KALRN: variants seen among roughly 807,000 people sequenced by gnomAD.
KALRN encodes the protein kalirin RhoGEF kinase.
KALRN carries 70 observed loss-of-function variants against 353.7 expected under a neutral mutation model. The observed-to-expected ratio is 0.20, with a 90% CI of 0.16 to 0.24. The LOEUF (loss-of-function observed/expected upper bound fraction) is 0.24. KALRN is among the 10% of genes least tolerant of loss of function. The pLI is 1.00. For missense variants in KALRN, 2,791 were observed against 3,756.7 expected (o/e 0.74, Z 6.72); for synonymous variants, 1,391 against 1,434.8 (o/e 0.97, Z 0.69).
intron 13 of KALRN, among the ~76,000 whole-genome samples, chr3:124,402,713 C>T (rs1239483913): frequency 2.6e-5 from 4 of 152,146 alleles, no homozygotes; most frequent in South Asian, 2.1e-4. Flanking sequence ...TAAAAACGTT[C>T]GGTCACTGCC....
intron 10 of KALRN, among the ~76,000 whole-genome samples, chr3:124,372,612 TTTA>T (rs148163959): frequency 0.26 from 33,164 of 126,156 alleles, 4,089 homozygotes; most frequent in African/African-American, 0.36. Flanking sequence ...TTTTTTATTA[TTTA>T]TTTTTTTATT....
intron 1 of KALRN, among the ~76,000 whole-genome samples, chr3:124,068,482 A>C (rs917817932): frequency 2.0e-5 from 3 of 152,144 alleles, no homozygotes; most frequent in Admixed American, 2.0e-4. Flanking sequence ...TTTTTTGCTG[A>C]GTGTGCTATA....
intron 5 of KALRN, among the ~76,000 whole-genome samples, chr3:124,286,557 G>A (rs1192647786): frequency 2.0e-5 from 3 of 152,112 alleles, no homozygotes; most frequent in African/African-American, 7.2e-5. Flanking sequence ...TGCCCAGTGT[G>A]CTGTTTTCTA....
At chr3:124,401,067 T>C (rs761719434) in intron 13 of KALRN, among the ~76,000 whole-genome samples, 2 of 152,208 alleles carry the variant, frequency 1.3e-5, no homozygotes, top group South Asian at 4.1e-4. Context: ...GTGTCTTTAC[T>C]AGCATCGATT....
chr3:124,455,094 C>T, intron 21 of KALRN, 83 bp from the exon 22 acceptor site: 1 of 1,492,972 alleles, frequency 6.7e-7, no homozygotes. Flanking sequence ...TCTATGGCTG[C>T]TCTAAACAGG....
At chr3:124,182,202 T>C (rs1383653831) in intron 1 of KALRN, among the ~76,000 whole-genome samples, 1 of 152,182 alleles carries the variant, frequency 6.6e-6, no homozygotes, top group African/African-American at 2.4e-5. Context: ...AACAAATTGC[T>C]CCAAAACTTA....
At chr3:124,225,808 A>G (rs964060468) in intron 1 of KALRN, among the ~76,000 whole-genome samples, 2 of 152,210 alleles carry the variant, frequency 1.3e-5, no homozygotes, top group African/African-American at 2.4e-5. Flanking sequence ...ACTGCAACAC[A>G]GTAGAGGACA....
chr3:124,109,435 C>A (rs927461947), intron 1 of KALRN, among the ~76,000 whole-genome samples: 2 of 151,956 alleles, frequency 1.3e-5, no homozygotes, highest in Non-Finnish European at 2.9e-5. Flanking sequence ...AATCCCTTCC[C>A]TATTTAATTA....
At chr3:124,369,247 T>C (rs1212482075) in intron 10 of KALRN, among the ~76,000 whole-genome samples, 2 of 152,264 alleles carry the variant, frequency 1.3e-5, no homozygotes, top group Non-Finnish European at 2.9e-5. Context: ...TTTTTACCTG[T>C]CAATTGACAA....
chr3:124,322,407 C>T (rs2079429099), intron 6 of KALRN, among the ~76,000 whole-genome samples: 1 of 152,158 alleles, frequency 6.6e-6, no homozygotes, highest in Non-Finnish European at 1.5e-5. Context: ...ACTCTTGATT[C>T]CTGGCCCAGT....
intron 39 of KALRN, among the ~76,000 whole-genome samples, chr3:124,656,104 A>G (rs1461268949): frequency 6.6e-6 from 1 of 152,178 alleles, no homozygotes; most frequent in Non-Finnish European, 1.5e-5. Context: ...AGCTAGCAAA[A>G]AGACAGATAA....
intron 10 of KALRN, among the ~76,000 whole-genome samples, chr3:124,360,420 A>G (rs1394358247): frequency 6.6e-6 from 1 of 152,194 alleles, no homozygotes; most frequent in Non-Finnish European, 1.5e-5. Flanking sequence ...GAGAGACACT[A>G]TGAGACAAGT....
intron 19 of KALRN, among the ~76,000 whole-genome samples, chr3:124,445,025 T>C (rs1394231510): frequency 6.6e-6 from 1 of 152,140 alleles, no homozygotes; most frequent in Non-Finnish European, 1.5e-5. Context: ...AGTTGTACTT[T>C]ATAGTCTTAG....
chr3:124,444,702 G>A lies in KALRN; in HGVS notation c.3314-1459G>A, dbSNP rs148476248. On this transcript the variant is annotated intron_variant, in intron 19 of 59. Coordinates refer to ENST00000682506, the MANE Select transcript of KALRN (RefSeq NM_001388419.1). ...GTGTGCCTATAGTCTCAGCTACTCA[G>A]GTGGCTGAAGTGGGAGGATCACTTG... Among the ~76,000 whole-genome samples, 349 of 151,668 alleles carry A rather than the reference G, an allele frequency of 2.3e-3. 4 individuals carry two copies. The highest frequency in any genetic ancestry group is 7.9e-3 in the African/African-American group (326 of 41,316).
chr3:124,460,575 G>A (rs141032713), intron 23 of KALRN, among the ~76,000 whole-genome samples: 34 of 152,322 alleles, frequency 2.2e-4, no homozygotes, highest in African/African-American at 6.7e-4. Flanking sequence ...ATCATGGAAT[G>A]TTTCCTGAGC....
intron 1 of KALRN, among the ~76,000 whole-genome samples, chr3:124,132,161 C>G (rs578259533): frequency 1.3e-5 from 2 of 152,196 alleles, no homozygotes; most frequent in South Asian, 2.1e-4. Context: ...TTTCAACAAC[C>G]CAGTATCTCT....
chr3:124,277,564 A>G (rs1233322340), intron 5 of KALRN, among the ~76,000 whole-genome samples: 1 of 152,176 alleles, frequency 6.6e-6, no homozygotes, highest in East Asian at 1.9e-4. Context: ...TACAGGCTGC[A>G]TGTGTGTGTT....
intron 1 of KALRN, among the ~76,000 whole-genome samples, chr3:124,110,556 C>T (rs904515028): frequency 1.3e-5 from 2 of 151,526 alleles, no homozygotes; most frequent in Non-Finnish European, 2.9e-5. Context: ...TCCTGATGAT[C>T]CTTCTTCATG....
At chr3:124,607,276 A>G (rs333341) in intron 34 of KALRN, among the ~76,000 whole-genome samples, 98,591 of 152,120 alleles carry the variant, frequency 0.65, 32,777 homozygotes, top group East Asian at 0.83. Flanking sequence ...GTTAAATGGG[A>G]AAAAATCCAT....
Sources: gnomAD v4.1 joint callset for allele counts (sites outside exome capture counted in the v4.1 genomes callset) on GRCh38, gnomAD v4.1.1 for gene constraint, MANE v1.5 for transcripts, NCBI Gene and HGNC (gene_info 2026-07-23, HGNC 2026-07-21) for gene names.